HS6ST3: variants seen among roughly 807,000 people sequenced by gnomAD.
HS6ST3 encodes heparan-sulfate 6-O-sulfotransferase 3.
A neutral mutation model predicts 36.7 loss-of-function variants in HS6ST3; 12 were observed. The ratio of observed to expected loss-of-function variants is 0.33; its 90% CI spans 0.21 to 0.53. The LOEUF is 0.53. Ranked by LOEUF, HS6ST3 falls within the 20% of genes least tolerant of loss-of-function variation. The pLI is 0.95. For missense variants in HS6ST3, 584 were observed against 640.9 expected (o/e 0.91, Z 0.96); for synonymous variants, 240 against 257.5 (o/e 0.93, Z 0.65).
intron 1 of HS6ST3, among the ~76,000 whole-genome samples, chr13:96,148,501 C>A (rs2139321626): frequency 6.6e-6 from 1 of 152,250 alleles, no homozygotes; most frequent in Admixed American, 6.5e-5. Flanking sequence ...GACTTCGGAC[C>A]TGCAGACTAG....
At chr13:96,810,991 A>T (rs755438435) in intron 1 of HS6ST3, among the ~76,000 whole-genome samples, 2 of 152,114 alleles carry the variant, frequency 1.3e-5, no homozygotes, top group Non-Finnish European at 2.9e-5. Context: ...TCCAAAAACA[A>T]ATTCTCTAGA....
At chr13:96,788,782 T>C (rs975776273) in intron 1 of HS6ST3, among the ~76,000 whole-genome samples, 3 of 151,900 alleles carry the variant, frequency 2.0e-5, no homozygotes, top group Non-Finnish European at 4.4e-5. Flanking sequence ...TAATTTCCTT[T>C]TTTATCCACA....
chr13:96,331,852 C>G (rs970969264), intron 1 of HS6ST3, among the ~76,000 whole-genome samples: 1 of 152,216 alleles, frequency 6.6e-6, no homozygotes, highest in Non-Finnish European at 1.5e-5. Flanking sequence ...GCGCAGGACC[C>G]TCCGAGCCAG....
At chr13:96,136,276 G>A (rs1423545103) in intron 1 of HS6ST3, among the ~76,000 whole-genome samples, 2 of 152,136 alleles carry the variant, frequency 1.3e-5, no homozygotes, top group Non-Finnish European at 2.9e-5. Flanking sequence ...CAATACTTGA[G>A]ACTGGGTAAT....
intron 1 of HS6ST3, among the ~76,000 whole-genome samples, chr13:96,729,653 G>A (rs1206119117): frequency 6.6e-6 from 1 of 151,348 alleles, no homozygotes; most frequent in East Asian, 1.9e-4. Flanking sequence ...TTTTAGTAGA[G>A]CCAAAGTTTC....
In HS6ST3 at chr13:96,834,364, T is replaced by C. The variant is rs1023731938; in HGVS notation, c.*1166T>C. On this transcript the variant is annotated 3_prime_UTR_variant, in exon 2 of 2. Coordinates refer to ENST00000376705, the MANE Select transcript of HS6ST3 (RefSeq NM_153456.4). ...AGACTCTGCCTCCCAGCATCTTGAA[T>C]ATCTCCAGCCTGTTCACTGTTTTCT... The C allele has an allele frequency of 1.3e-5, 2 of 152,218 alleles. No individual in the cohort carries two copies. The highest frequency in any genetic ancestry group is 2.9e-5 in the Non-Finnish European group (2 of 68,028). 9.4% of individuals were successfully genotyped at this position (152,218 alleles called of 1,614,324 possible). A position where few individuals can be genotyped will look rare whatever the true frequency, so the allele number is the denominator to read the frequency against.
At chr13:96,153,226 C>T (rs1449694495) in intron 1 of HS6ST3, among the ~76,000 whole-genome samples, 1 of 152,148 alleles carries the variant, frequency 6.6e-6, no homozygotes, top group Non-Finnish European at 1.5e-5. Flanking sequence ...AGGATGCTGC[C>T]TTGAATCTGT....
chr13:96,331,167 C>CCTT (rs2055064407), intron 1 of HS6ST3, among the ~76,000 whole-genome samples: 1 of 152,030 alleles, frequency 6.6e-6, no homozygotes, highest in Non-Finnish European at 1.5e-5. Flanking sequence ...TCGTCTGAAG[C>CCTT]CTTCTCTCAG....
intron 1 of HS6ST3, among the ~76,000 whole-genome samples, chr13:96,588,368 T>A (rs1048444458): frequency 3.3e-5 from 5 of 152,196 alleles, no homozygotes; most frequent in African/African-American, 4.8e-5. Flanking sequence ...GCTTTGGGTT[T>A]GTCATCTATG....
At chr13:96,256,931 A>T (rs1256150695) in intron 1 of HS6ST3, among the ~76,000 whole-genome samples, 1 of 152,190 alleles carries the variant, frequency 6.6e-6, no homozygotes, top group African/African-American at 2.4e-5. Flanking sequence ...CTAGGCAACC[A>T]GGGGATATAT....
At chr13:96,749,984 G>A (rs1396698710) in intron 1 of HS6ST3, among the ~76,000 whole-genome samples, 1 of 152,086 alleles carries the variant, frequency 6.6e-6, no homozygotes, top group Admixed American at 6.6e-5. Flanking sequence ...GGCTGTCAGT[G>A]TACTATTTGA....
intron 1 of HS6ST3, among the ~76,000 whole-genome samples, chr13:96,409,282 C>T (rs911924823): frequency 2.0e-5 from 3 of 152,226 alleles, no homozygotes; most frequent in Non-Finnish European, 4.4e-5. Context: ...TAGCCAGTAG[C>T]TCTGTGTCCA....
At chr13:96,203,310 G>T (rs2139352657) in intron 1 of HS6ST3, among the ~76,000 whole-genome samples, 2 of 152,260 alleles carry the variant, frequency 1.3e-5, no homozygotes, top group South Asian at 4.1e-4. Context: ...ACCAGCCGCG[G>T]CCTTCTCTCT....
chr13:96,753,529 G>A lies in HS6ST3; in HGVS notation c.708-78961G>A, dbSNP rs571832974. On this transcript the variant is annotated intron_variant, in intron 1 of 1. Transcript: ENST00000376705. Reference sequence around the variant, plus strand: ...TTCTTTATTGTTATTGGTGTAAAATGTAAATGTTTGATCTTATTTTTAGCC... The same window carrying A: ...TTCTTTATTGTTATTGGTGTAAAATATAAATGTTTGATCTTATTTTTAGCC... 2.0e-5 allele frequency among the ~76,000 whole-genome samples: 3 copies of A among 152,204 alleles called. No homozygotes were observed. The East Asian group carries it at 5.8e-4, about 29-fold the overall frequency.
intron 1 of HS6ST3, among the ~76,000 whole-genome samples, chr13:96,206,696 C>G (rs2054372285): frequency 6.6e-6 from 1 of 152,154 alleles, no homozygotes; most frequent in African/African-American, 2.4e-5. Flanking sequence ...CTGACAAAAA[C>G]AAGCAATGGG....
intron 1 of HS6ST3, among the ~76,000 whole-genome samples, chr13:96,208,143 A>G (rs921874842): frequency 2.6e-5 from 4 of 152,236 alleles, no homozygotes; most frequent in African/African-American, 9.6e-5. Flanking sequence ...ATCATAAAAT[A>G]TTAAAGCACC....
At chr13:96,711,008 G>A (rs1329780880) in intron 1 of HS6ST3, among the ~76,000 whole-genome samples, 1 of 152,208 alleles carries the variant, frequency 6.6e-6, no homozygotes, top group African/African-American at 2.4e-5. Flanking sequence ...GCCTCAACTG[G>A]TCTTCAAACA....
chr13:96,250,645 A>G (rs1259341964), intron 1 of HS6ST3, among the ~76,000 whole-genome samples: 1 of 152,184 alleles, frequency 6.6e-6, no homozygotes, highest in African/African-American at 2.4e-5. Context: ...ATACATTTCT[A>G]TTGGTTTAAG....
chr13:96,692,555 A>G (rs1318499007), intron 1 of HS6ST3, among the ~76,000 whole-genome samples: 1 of 152,176 alleles, frequency 6.6e-6, no homozygotes, highest in African/African-American at 2.4e-5. Flanking sequence ...CTTTAATCAC[A>G]GATTGCATTC....
Sources: allele counts gnomAD v4.1 joint callset (sites outside exome capture counted in the v4.1 genomes callset), GRCh38; gene constraint gnomAD v4.1.1; transcripts MANE v1.5; gene names NCBI Gene and HGNC (gene_info 2026-07-23, HGNC 2026-07-21).